KMT2C: variants seen among roughly 807,000 people sequenced by gnomAD.
The protein encoded by KMT2C is lysine methyltransferase 2C.
A neutral mutation model predicts 507.9 loss-of-function variants in KMT2C; 88 were observed. The ratio of observed to expected loss-of-function variants is 0.17; its 90% CI spans 0.15 to 0.21. KMT2C has a LOEUF of 0.21. KMT2C is among the 10% of genes least tolerant of loss of function. The pLI is 1.00. For synonymous variants in KMT2C, 2,049 were observed against 2,080.8 expected (o/e 0.98, Z 0.42); for missense variants, 4,954 against 5,957.8 (o/e 0.83, Z 5.55).
intron 9 of KMT2C, among the ~76,000 whole-genome samples, chr7:152,259,614 T>C (rs1204068273): frequency 1.3e-5 from 2 of 152,146 alleles, no homozygotes; most frequent in East Asian, 1.9e-4. Flanking sequence ...TATTTTCAAG[T>C]AAAAACTTTC....
intron 20 of KMT2C, among the ~76,000 whole-genome samples, 158 bp from the exon 21 acceptor site, chr7:152,222,840 G>C (rs1232842839): frequency 1.3e-5 from 2 of 151,970 alleles, no homozygotes; most frequent in Non-Finnish European, 2.9e-5. Flanking sequence ...TCTATTAACA[G>C]AAAAACTTTC....
At chr7:152,360,076 G>A (rs1379750750) in intron 1 of KMT2C, among the ~76,000 whole-genome samples, 2 of 63,930 alleles carry the variant, frequency 3.1e-5, no homozygotes, top group African/African-American at 2.5e-4. Context: ...AGGGGGGTGG[G>A]GGGGGGGGGA....
chr7:152,246,421 T>C (rs538149819), intron 14 of KMT2C, among the ~76,000 whole-genome samples: 13 of 151,956 alleles, frequency 8.6e-5, no homozygotes, highest in Non-Finnish European at 1.5e-4. Context: ...TAAGATGGAA[T>C]AAGCCTGGAA....
intron 6 of KMT2C, among the ~76,000 whole-genome samples, chr7:152,289,289 A>G (rs1196577074): frequency 6.6e-6 from 1 of 152,218 alleles, no homozygotes; most frequent in East Asian, 1.9e-4. Flanking sequence ...CACATTCTCA[A>G]TTGGCACTAC....
chr7:152,151,052 T>C (rs1165763753), intron 50 of KMT2C, 45 bp from the exon 51 acceptor site: 24 of 1,205,994 alleles, frequency 2.0e-5, no homozygotes, highest in Non-Finnish European at 2.9e-5. Flanking sequence ...CAAGTCAAAA[T>C]TTAATAAAAA....
chr7:152,361,337 G>A (rs1195264711), intron 1 of KMT2C, among the ~76,000 whole-genome samples: 1 of 152,078 alleles, frequency 6.6e-6, no homozygotes, highest in Non-Finnish European at 1.5e-5. Flanking sequence ...GAGGTGGGTG[G>A]ATCACGAGGT....
At position 152,388,158 on chromosome 7, in the gene KMT2C, TATAA is replaced by T. The variant is rs981748091; in HGVS notation, c.162-29487_162-29484del. 3.6e-5 allele frequency among the ~76,000 whole-genome samples: 5 copies of T among 139,692 alleles called. No homozygotes were observed. In the Admixed American group the frequency reaches 3.6e-4, roughly 10 times the overall value. 91.6% of individuals were successfully genotyped at this position (139,692 alleles called of 152,430 possible). On this transcript the variant is annotated intron_variant, in intron 1 of 58. Transcript: ENST00000262189. ...AAATTGTAACCTCTTATAATGAATA[TATAA>T]ATATATATAATTTCATTAATTTCAT...
At chr7:152,223,921 C>G (rs2129147580) in intron 20 of KMT2C, 94 bp downstream of exon 20, 2 of 979,854 alleles carry the variant, frequency 2.0e-6, no homozygotes, top group Non-Finnish European at 3.0e-6. Context: ...GTACCTAAAA[C>G]TTGTGATTAA....
chr7:152,391,790 C>A (rs1197412382), intron 1 of KMT2C, among the ~76,000 whole-genome samples: 1 of 145,392 alleles, frequency 6.9e-6, no homozygotes, highest in South Asian at 2.2e-4. Context: ...GGATTACAGG[C>A]GTGAGCCACT....
chr7:152,192,949 G>A (rs915885506), intron 31 of KMT2C, among the ~76,000 whole-genome samples: 2 of 152,128 alleles, frequency 1.3e-5, no homozygotes, highest in African/African-American at 4.8e-5. Context: ...CATGGTGGGA[G>A]GATCACTTGA....
intron 9 of KMT2C, among the ~76,000 whole-genome samples, chr7:152,255,639 A>G (rs1032974288): frequency 6.6e-6 from 1 of 152,188 alleles, no homozygotes; most frequent in African/African-American, 2.4e-5. Flanking sequence ...CAAAGGCTCT[A>G]TAACAAAAAC....
chr7:152,282,880 T>C (rs568778481), intron 6 of KMT2C, among the ~76,000 whole-genome samples: 4 of 142,248 alleles, frequency 2.8e-5, no homozygotes, highest in African/African-American at 1.0e-4. Context: ...TTAAGTTTTT[T>C]CTAGAAAATT....
chr7:152,139,349 T>C (rs1563113893), intron 56 of KMT2C, 90 bp from the exon 57 acceptor site: 44 of 1,189,464 alleles, frequency 3.7e-5, no homozygotes, highest in Admixed American at 3.5e-5. Context: ...CAGTCGAAAC[T>C]GAACGGAACG....
At chr7:152,423,976 T>C (rs759180368) in intron 1 of KMT2C, among the ~76,000 whole-genome samples, 1 of 152,188 alleles carries the variant, frequency 6.6e-6, no homozygotes, top group Non-Finnish European at 1.5e-5. Flanking sequence ...TAAATACTAT[T>C]TAAAGTCCTC....
chr7:152,163,109 G>C lies in KMT2C; in HGVS notation c.10468C>G (p.Gln3490Glu), dbSNP rs149140684. Residue 3490 changes from glutamine (Q) to glutamate (E), a missense_variant, in exon 43 of 59, where the codon CAA becomes GAA. Coordinates refer to ENST00000262189, the MANE Select transcript of KMT2C (RefSeq NM_170606.3). ...GTGGAGGGTGAATTAATTGATCCTT[G>C]TTGTATATTCTGCTGCTGTAAAACC... is the stretch of plus-strand genomic sequence containing the variant. ...GQVLQQQNIQ[Q>E]GSINSPSTQT... is the part of the protein sequence containing the mutation. The C allele has an allele frequency of 6.2e-7, 1 of 1,614,036 alleles. No homozygotes were observed. The highest frequency in any genetic ancestry group is 8.5e-7 in the Non-Finnish European group (1 of 1,179,992).
chr7:152,296,391 G>T (rs941421776), intron 6 of KMT2C, among the ~76,000 whole-genome samples: 1 of 148,278 alleles, frequency 6.7e-6, no homozygotes, highest in Non-Finnish European at 1.5e-5. Context: ...CCGAGATCGC[G>T]CCACTTCAAT....
intron 55 of KMT2C, among the ~76,000 whole-genome samples, chr7:152,143,874 T>TTG (rs1293466618): frequency 1.3e-4 from 20 of 152,166 alleles, no homozygotes; most frequent in African/African-American, 4.8e-4. Flanking sequence ...TAAAGATACT[T>TTG]TGCTGGCTGC....
chr7:152,297,281 C>A (rs1359410703), intron 6 of KMT2C, among the ~76,000 whole-genome samples: 1 of 151,952 alleles, frequency 6.6e-6, no homozygotes, highest in Non-Finnish European at 1.5e-5. Flanking sequence ...TCAGCTGACT[C>A]CTGAGTTGGA....
At chr7:152,328,951 T>C (rs1026442711) in intron 3 of KMT2C, among the ~76,000 whole-genome samples, 2 of 151,952 alleles carry the variant, frequency 1.3e-5, no homozygotes, top group Admixed American at 6.6e-5. Flanking sequence ...GTACTGGACA[T>C]GTTAAGGGTG....
Sources: gnomAD v4.1 joint callset for allele counts (sites outside exome capture counted in the v4.1 genomes callset) on GRCh38, gnomAD v4.1.1 for gene constraint, MANE v1.5 for transcripts, NCBI Gene and HGNC (gene_info 2026-07-23, HGNC 2026-07-21) for gene names.